RBFOX1: variants seen among roughly 807,000 people sequenced by gnomAD.
RBFOX1 encodes RNA binding protein fox-1 homolog 1.
Under a neutral mutation model 57.7 loss-of-function variants are expected in RBFOX1, and 8 were observed. The ratio of observed to expected loss-of-function variants is 0.14; its 90% CI spans 0.08 to 0.25. The LOEUF is 0.25. RBFOX1 is among the 10% of genes least tolerant of loss of function. The pLI is 1.00. For missense variants in RBFOX1, 611 were observed against 548.5 expected, an observed-to-expected ratio of 1.11 and a Z score of -1.14; for synonymous variants, 326 against 222.4, an observed-to-expected ratio of 1.47 and a Z score of -4.15.
At chr16:6,017,536 A>C (rs183299122), upstream of RBFOX1, among the ~76,000 whole-genome samples, 9 of 152,338 alleles carry the variant, frequency 5.9e-5, no homozygotes, top group East Asian at 1.7e-3. Flanking sequence ...AATTGCTTAC[A>C]TACAAATATA....
At chr16:5,449,657 T>G (rs890111357) in intron 1 of RBFOX1, among the ~76,000 whole-genome samples, 4 of 152,172 alleles carry the variant, frequency 2.6e-5, no homozygotes, top group Admixed American at 2.0e-4. Flanking sequence ...TTGCCCAGGA[T>G]GAGAACAGTG....
intron 4 of RBFOX1, among the ~76,000 whole-genome samples, chr16:5,903,099 GGTGT>G (rs138162092): frequency 1.3e-5 from 2 of 151,306 alleles, no homozygotes; most frequent in Non-Finnish European, 3.0e-5. Flanking sequence ...GGTGTGTGTG[GGTGT>G]GTGTGTGTGG....
At chr16:6,199,796 G>A (rs1361467244) in intron 1 of RBFOX1, among the ~76,000 whole-genome samples, 2 of 152,090 alleles carry the variant, frequency 1.3e-5, no homozygotes, top group South Asian at 2.1e-4. Flanking sequence ...AAATCTGTAT[G>A]GGATGCTTGT....
At chr16:7,678,605 G>C (rs2073986013) in intron 14 of RBFOX1, among the ~76,000 whole-genome samples, 1 of 151,660 alleles carries the variant, frequency 6.6e-6, no homozygotes, top group Non-Finnish European at 1.5e-5. Flanking sequence ...CAGTATAAGT[G>C]CATCTATCCC....
At chr16:5,651,279 C>A (rs937287676) in intron 3 of RBFOX1, among the ~76,000 whole-genome samples, 2 of 151,978 alleles carry the variant, frequency 1.3e-5, no homozygotes, top group Non-Finnish European at 2.9e-5. Flanking sequence ...TCTGGAACTC[C>A]TGGCCTCACG....
At chr16:7,347,502 G>A (rs560901676) in intron 4 of RBFOX1, among the ~76,000 whole-genome samples, 5 of 152,106 alleles carry the variant, frequency 3.3e-5, no homozygotes, top group Non-Finnish European at 7.4e-5. Flanking sequence ...ATGACACGTG[G>A]GAATCGTGGG....
chr16:7,634,062 G>C (rs763158127), intron 11 of RBFOX1, among the ~76,000 whole-genome samples: 7 of 152,068 alleles, frequency 4.6e-5, no homozygotes, highest in Non-Finnish European at 8.8e-5. Context: ...CAACAGTTTC[G>C]ATTTGCACAG....
At chr16:7,455,046 A>G (rs893602243) in intron 4 of RBFOX1, among the ~76,000 whole-genome samples, 3 of 152,164 alleles carry the variant, frequency 2.0e-5, no homozygotes, top group East Asian at 1.9e-4. Flanking sequence ...GGCACTACCT[A>G]TGTGTCAGGT....
At chr16:5,814,083 C>G (rs912215618) in intron 3 of RBFOX1, among the ~76,000 whole-genome samples, 1 of 152,176 alleles carries the variant, frequency 6.6e-6, no homozygotes, top group African/African-American at 2.4e-5. Context: ...AACCTTCCAT[C>G]TCGAAGTTAA....
At chr16:6,656,525 C>G (rs1408781400) in intron 3 of RBFOX1, among the ~76,000 whole-genome samples, 1 of 151,518 alleles carries the variant, frequency 6.6e-6, no homozygotes. Flanking sequence ...TGTGATGCAT[C>G]TTGGTGGGAA....
intron 3 of RBFOX1, among the ~76,000 whole-genome samples, chr16:6,922,454 C>G (rs186258860): frequency 6.6e-6 from 1 of 152,156 alleles, no homozygotes; most frequent in Non-Finnish European, 1.5e-5. Context: ...CTTGCCTCTT[C>G]CTGAATTTGT....
intron 1 of RBFOX1, among the ~76,000 whole-genome samples, chr16:5,308,047 G>A (rs1013374375): frequency 6.6e-6 from 1 of 152,120 alleles, no homozygotes; most frequent in Non-Finnish European, 1.5e-5. Context: ...GGCTTACAAT[G>A]AAAAATAACT....
intron 2 of RBFOX1, among the ~76,000 whole-genome samples, chr16:6,341,643 C>A (rs1305874194): frequency 6.6e-6 from 1 of 151,212 alleles, no homozygotes; most frequent in African/African-American, 2.5e-5. Flanking sequence ...GCACATCTTC[C>A]CATTTTTTTT....
At chr16:7,164,113 C>T (rs573395474) in intron 4 of RBFOX1, among the ~76,000 whole-genome samples, 1 of 152,054 alleles carries the variant, frequency 6.6e-6, no homozygotes, top group Admixed American at 6.6e-5. Flanking sequence ...TCTCCCTCAC[C>T]CCCTCCCACC....
At chr16:7,273,224 T>TCCTC (rs1567985801) in intron 4 of RBFOX1, among the ~76,000 whole-genome samples, 1 of 123,180 alleles carries the variant, frequency 8.1e-6, no homozygotes, top group African/African-American at 3.1e-5. Flanking sequence ...CTTCCTTCCT[T>TCCTC]CCTTCCTTCC....
intron 4 of RBFOX1, among the ~76,000 whole-genome samples, chr16:7,309,006 G>T (rs939247702): frequency 1.6e-4 from 25 of 152,272 alleles, no homozygotes; most frequent in Middle Eastern, 3.4e-3. Flanking sequence ...GATTGGGGGT[G>T]GTCGATAGTG....
At chr16:6,912,921 A>G (rs7499095) in intron 3 of RBFOX1, among the ~76,000 whole-genome samples, 36,727 of 151,954 alleles carry the variant, frequency 0.24, 4,582 homozygotes, top group South Asian at 0.32. Context: ...AGCCCAGCCT[A>G]GAGCTCCTTG....
intron 3 of RBFOX1, among the ~76,000 whole-genome samples, chr16:5,759,052 A>C (rs529328538): frequency 6.6e-6 from 1 of 152,190 alleles, no homozygotes; most frequent in African/African-American, 2.4e-5. Flanking sequence ...TTGAACCTCC[A>C]TTTCTACTTC....
At chr16:7,038,291 T>TTGGGA (rs1170220977) in intron 3 of RBFOX1, among the ~76,000 whole-genome samples, 3 of 152,068 alleles carry the variant, frequency 2.0e-5, no homozygotes, top group African/African-American at 7.2e-5. Context: ...GAGCAAGGGT[T>TTGGGA]TGGGATGGGA....
Sources: gnomAD v4.1 joint callset for allele counts (sites outside exome capture counted in the v4.1 genomes callset) on GRCh38, gnomAD v4.1.1 for gene constraint, MANE v1.5 for transcripts, NCBI Gene and HGNC (gene_info 2026-07-23, HGNC 2026-07-21) for gene names.